RAP1A: variants seen among roughly 807,000 people sequenced by gnomAD.
RAP1A encodes the protein RAP1A, member of RAS oncogene family.
RAP1A carries 6 observed loss-of-function variants against 26.4 expected under a neutral mutation model. The observed-to-expected ratio is 0.23, with a 90% confidence interval of 0.12 to 0.45. The LOEUF (loss-of-function observed/expected upper bound fraction) is 0.45, where lower values mean the gene tolerates loss of function less well. Among genes scored for constraint, RAP1A ranks in the 20% least tolerant of loss-of-function variants. The probability of loss-of-function intolerance (pLI) is 0.99; values close to 1 mark genes in which losing one functional copy is unlikely to be tolerated. For missense variants in RAP1A, 121 were observed against 217.2 expected (o/e 0.56, Z 2.78); for synonymous variants, 73 against 79.4 (o/e 0.92, Z 0.43).
chr1:111,580,796 G>A (rs1176383929), intron 1 of RAP1A, among the ~76,000 whole-genome samples: 10 of 151,748 alleles, frequency 6.6e-5, no homozygotes, highest in African/African-American at 9.7e-5. Flanking sequence ...GTAATGAGCC[G>A]AGATCGTGCC....
At chr1:111,603,474 T>G (rs1658709189) in intron 1 of RAP1A, among the ~76,000 whole-genome samples, 1 of 152,248 alleles carries the variant, frequency 6.6e-6, no homozygotes, top group South Asian at 2.1e-4. Flanking sequence ...GTGCCAAGTT[T>G]GGCAGAGCTG....
intron 1 of RAP1A, among the ~76,000 whole-genome samples, chr1:111,581,718 T>C (rs1658261509): frequency 6.6e-6 from 1 of 152,220 alleles, no homozygotes; most frequent in African/African-American, 2.4e-5. Flanking sequence ...ACTATGTAGG[T>C]ACTGCAGACT....
chr1:111,703,991 C>T (rs188522768), intron 5 of RAP1A, among the ~76,000 whole-genome samples: 1 of 152,206 alleles, frequency 6.6e-6, no homozygotes, highest in South Asian at 2.1e-4. Flanking sequence ...TTAGTAGAGA[C>T]CAGGTCTCAC....
intron 1 of RAP1A, among the ~76,000 whole-genome samples, chr1:111,623,771 T>C (rs1057322761): frequency 5.9e-5 from 9 of 152,350 alleles, no homozygotes; most frequent in African/African-American, 2.2e-4. Flanking sequence ...CCAGTTTTGA[T>C]AGAAAACTAT....
At chr1:111,647,185 A>G (rs1200612530) in intron 1 of RAP1A, among the ~76,000 whole-genome samples, 1 of 152,120 alleles carries the variant, frequency 6.6e-6, no homozygotes, top group African/African-American at 2.4e-5. Context: ...TTCTCATAGG[A>G]GTGCAAACCC....
intron 1 of RAP1A, among the ~76,000 whole-genome samples, chr1:111,594,584 G>GGAAC (rs1253012575): frequency 6.9e-6 from 1 of 145,620 alleles, no homozygotes; most frequent in Admixed American, 6.8e-5. Context: ...AAGGAAGGAA[G>GGAAC]GAAGGGAGGG....
At chr1:111,651,530 G>A (rs561480319) in intron 1 of RAP1A, among the ~76,000 whole-genome samples, 3 of 138,272 alleles carry the variant, frequency 2.2e-5, no homozygotes, top group South Asian at 4.5e-4. Context: ...AGGCTATAGT[G>A]CAGTGGCACG....
intron 1 of RAP1A, among the ~76,000 whole-genome samples, chr1:111,543,019 C>A (rs1404846134): frequency 6.6e-6 from 1 of 152,120 alleles, no homozygotes; most frequent in African/African-American, 2.4e-5. Context: ...GTTTTATAAC[C>A]ATGAGAAACT....
intron 1 of RAP1A, among the ~76,000 whole-genome samples, chr1:111,685,245 A>C (rs1433913778): frequency 6.6e-6 from 1 of 152,182 alleles, no homozygotes; most frequent in Non-Finnish European, 1.5e-5. Context: ...CACCAAAAGC[A>C]ATGGCAACGA....
At chr1:111,570,961 C>A (rs1441285115) in intron 1 of RAP1A, among the ~76,000 whole-genome samples, 1 of 152,188 alleles carries the variant, frequency 6.6e-6, no homozygotes, top group East Asian at 1.9e-4. Flanking sequence ...CAATGTCCAA[C>A]AATTCAATTC....
At chr1:111,616,406 T>C (rs902719967), upstream of RAP1A, among the ~76,000 whole-genome samples, 2 of 152,230 alleles carry the variant, frequency 1.3e-5, no homozygotes, top group African/African-American at 2.4e-5. Flanking sequence ...GGCTTTGCTG[T>C]TTCCTTAGCT....
At position 111,716,630 on chromosome 1, in the gene RAP1A, A is replaced by T. The variant is rs1037942686; in HGVS notation, c.*4229A>T. 7 of 152,242 alleles carry T rather than the reference A, an allele frequency of 4.6e-5. No individual in the cohort carries two copies. Among genetic ancestry groups the T allele is most frequent in the Non-Finnish European group, 1.5e-5 (1 of 68,042 alleles). 9.4% of individuals were successfully genotyped at this position (152,242 alleles called of 1,614,324 possible). A position where few individuals can be genotyped will look rare whatever the true frequency, so the allele number is the denominator to read the frequency against. ...ACATTTCCCACTAATTGCTTCTCTC[A>T]AGAAGCAAGAGATTGGCTGTTCCTC... On this transcript the variant is annotated 3_prime_UTR_variant, in exon 8 of 8. Coordinates refer to ENST00000369709, the MANE Select transcript of RAP1A (RefSeq NM_002884.4).
At chr1:111,589,847 T>A (rs1658437122) in intron 1 of RAP1A, among the ~76,000 whole-genome samples, 1 of 152,072 alleles carries the variant, frequency 6.6e-6, no homozygotes, top group Admixed American at 6.6e-5. Flanking sequence ...ATCACCTAGA[T>A]CACTTGAACT....
chr1:111,691,481 C>T, intron 2 of RAP1A, 64 bp downstream of exon 2: 1 of 1,433,188 alleles, frequency 7.0e-7, no homozygotes, highest in Non-Finnish European at 9.8e-7. Context: ...CATTTCCTTG[C>T]TTTCAGACTT....
chr1:111,668,755 C>T (rs187328048), intron 1 of RAP1A, among the ~76,000 whole-genome samples: 6 of 151,914 alleles, frequency 3.9e-5, no homozygotes, highest in East Asian at 1.9e-4. Context: ...AGGCTGTATG[C>T]GGTGATGCAC....
chr1:111,683,147 T>A (rs1200276141), intron 1 of RAP1A, among the ~76,000 whole-genome samples: 1 of 152,110 alleles, frequency 6.6e-6, no homozygotes, highest in Non-Finnish European at 1.5e-5. Context: ...CGTACCAGAA[T>A]CTCTGGGACA....
chr1:111,683,369 A>G (rs978386716), intron 1 of RAP1A, among the ~76,000 whole-genome samples: 8 of 152,186 alleles, frequency 5.3e-5, no homozygotes, highest in East Asian at 3.8e-4. Flanking sequence ...CAAAAAATCA[A>G]TGAATCCAGG....
intron 1 of RAP1A, among the ~76,000 whole-genome samples, chr1:111,607,447 AT>A (rs1367982188): frequency 2.0e-5 from 3 of 152,228 alleles, no homozygotes; most frequent in Admixed American, 6.5e-5. Flanking sequence ...CGATTTCTCA[AT>A]CTTTCCCCCA....
chr1:111,633,221 G>C (rs559282983), intron 1 of RAP1A, among the ~76,000 whole-genome samples: 142 of 152,220 alleles, frequency 9.3e-4, no homozygotes, highest in African/African-American at 3.2e-3. Context: ...AATTTTTCCT[G>C]GTGGATTTCT....
Sources: gnomAD v4.1 joint callset for allele counts (sites outside exome capture counted in the v4.1 genomes callset) on GRCh38, gnomAD v4.1.1 for gene constraint, MANE v1.5 for transcripts, NCBI Gene and HGNC (gene_info 2026-07-23, HGNC 2026-07-21) for gene names.